Variants in TMPRSS15 observed in about 807,000 individuals in gnomAD.
The protein encoded by TMPRSS15 is transmembrane serine protease 15, also known as enteropeptidase.
TMPRSS15 carries 128 observed loss-of-function variants against 125.3 expected under a neutral mutation model. That is an observed-to-expected ratio of 1.02 (90% CI 0.89 to 1.18). The LOEUF (loss-of-function observed/expected upper bound fraction) is 1.18. Among genes scored for constraint, TMPRSS15 ranks in the 50% most tolerant of loss-of-function variants. The probability of loss-of-function intolerance (pLI) is 0.00; values close to 1 mark genes in which losing one functional copy is unlikely to be tolerated. For synonymous variants in TMPRSS15, 446 were observed against 423.2 expected, an observed-to-expected ratio of 1.05 and a Z score of -0.66; for missense variants, 1,283 against 1,212.7, an observed-to-expected ratio of 1.06 and a Z score of -0.86.
chr21:18,367,932 G>T (rs1333081609), intron 6 of TMPRSS15, among the ~76,000 whole-genome samples: 1 of 151,888 alleles, frequency 6.6e-6, no homozygotes, highest in African/African-American at 2.4e-5. Context: ...TATCACTATC[G>T]CAATGACATC....
intron 1 of TMPRSS15, among the ~76,000 whole-genome samples, chr21:18,435,870 G>A (rs2076226679): frequency 6.6e-6 from 1 of 152,124 alleles, no homozygotes; most frequent in African/African-American, 2.4e-5. Context: ...GAGAGTGTAT[G>A]TGTCGAGGAA....
chr21:18,305,294 T>C (rs186847431), intron 18 of TMPRSS15, among the ~76,000 whole-genome samples: 1 of 146,356 alleles, frequency 6.8e-6, no homozygotes, highest in East Asian at 2.2e-4. Context: ...GTTCACGCCA[T>C]TCTCCTGCCT....
intron 18 of TMPRSS15, among the ~76,000 whole-genome samples, chr21:18,310,368 T>C (rs2075087095): frequency 6.6e-6 from 1 of 151,870 alleles, no homozygotes; most frequent in Non-Finnish European, 1.5e-5. Context: ...AGTTTCAGGA[T>C]ACAAAATAAA....
chr21:18,392,275 TA>T (rs1344125046), intron 3 of TMPRSS15, among the ~76,000 whole-genome samples: 1 of 152,226 alleles, frequency 6.6e-6, no homozygotes, highest in African/African-American at 2.4e-5. Context: ...TCCAAACTTT[TA>T]TACTCTGTCA....
intron 23 of TMPRSS15, 40 bp downstream of exon 23, chr21:18,278,924 G>GTTTTTTTTTTTTTTTTTTTTT: frequency 2.3e-6 from 1 of 438,020 alleles, no homozygotes. Flanking sequence ...CACCAGTAAG[G>GTTTTTTTTTTTTTTTTTTTTT]TTTTTTTTTT....
At chr21:18,448,211 T>A (rs562387853) in intron 1 of TMPRSS15, among the ~76,000 whole-genome samples, 37 of 152,224 alleles carry the variant, frequency 2.4e-4, no homozygotes, top group African/African-American at 8.9e-4. Context: ...GTGATCTACA[T>A]ACATTTGGTT....
intron 13 of TMPRSS15, among the ~76,000 whole-genome samples, chr21:18,336,160 A>C (rs2075390802): frequency 2.0e-5 from 3 of 152,162 alleles, no homozygotes. Flanking sequence ...AGAGGTGTTT[A>C]CTGAGGGGTG....
chr21:18,356,117 TCAAG>T (rs2075621991), intron 8 of TMPRSS15, among the ~76,000 whole-genome samples: 1 of 151,888 alleles, frequency 6.6e-6, no homozygotes, highest in Non-Finnish European at 1.5e-5. Context: ...CATAGACTGA[TCAAG>T]CAGTCACTCT....
chr21:18,327,146 T>G (rs1007997766), intron 15 of TMPRSS15, among the ~76,000 whole-genome samples: 1 of 152,174 alleles, frequency 6.6e-6, no homozygotes, highest in Non-Finnish European at 1.5e-5. Context: ...TAAGAAAGTT[T>G]TATATGTTGG....
chr21:18,444,789 G>C (rs1016973926), intron 1 of TMPRSS15, among the ~76,000 whole-genome samples: 1 of 151,910 alleles, frequency 6.6e-6, no homozygotes, highest in Non-Finnish European at 1.5e-5. Flanking sequence ...GCAATGGAAT[G>C]CCAGAACATT....
At chr21:18,439,437 G>A (rs1457809802) in intron 1 of TMPRSS15, among the ~76,000 whole-genome samples, 2 of 152,074 alleles carry the variant, frequency 1.3e-5, no homozygotes, top group Non-Finnish European at 2.9e-5. Flanking sequence ...TCTTTTCTAA[G>A]TATATAAAGA....
intron 1 of TMPRSS15, among the ~76,000 whole-genome samples, chr21:18,483,625 A>T (rs1162258854): frequency 6.6e-6 from 1 of 151,950 alleles, no homozygotes; most frequent in East Asian, 1.9e-4. Flanking sequence ...TGCATTATTC[A>T]TAGCTGTATA....
At chr21:18,485,369 A>G (rs1348717978) in intron 1 of TMPRSS15, among the ~76,000 whole-genome samples, 1 of 152,002 alleles carries the variant, frequency 6.6e-6, no homozygotes, top group Non-Finnish European at 1.5e-5. Context: ...ACGAGGTGAT[A>G]GTAAATATTT....
intron 16 of TMPRSS15, among the ~76,000 whole-genome samples, chr21:18,319,533 A>G (rs2075212653): frequency 6.8e-6 from 1 of 147,626 alleles, no homozygotes; most frequent in Non-Finnish European, 1.5e-5. Context: ...GGTTCAAGTG[A>G]TTCTCCTGCC....
chr21:18,354,618 T>A (rs2075606219), intron 8 of TMPRSS15, among the ~76,000 whole-genome samples: 1 of 151,696 alleles, frequency 6.6e-6, no homozygotes, highest in Non-Finnish European at 1.5e-5. Flanking sequence ...GTTTTAATTT[T>A]TAAATGTGTA....
At chr21:18,338,513 G>T (rs2075415341) in intron 13 of TMPRSS15, among the ~76,000 whole-genome samples, 1 of 152,054 alleles carries the variant, frequency 6.6e-6, no homozygotes. Context: ...TAGGGTGTGG[G>T]TCACCTACAC....
intron 1 of TMPRSS15, 129 bp downstream of exon 1, chr21:18,403,349 A>ATAT: frequency 8.3e-7 from 1 of 1,201,888 alleles, no homozygotes. Context: ...TTAATTTGAA[A>ATAT]TATTAGATTG....
chr21:18,272,408 T>C (rs2074568665), intron 24 of TMPRSS15, among the ~76,000 whole-genome samples: 1 of 152,136 alleles, frequency 6.6e-6, no homozygotes, highest in Admixed American at 6.6e-5. Flanking sequence ...TCCACTGTCT[T>C]GGAGATATAT....
chr21:18,446,562 A>G (rs1046254619), intron 1 of TMPRSS15, among the ~76,000 whole-genome samples: 6 of 152,228 alleles, frequency 3.9e-5, no homozygotes, highest in African/African-American at 1.4e-4. Flanking sequence ...CTACAAAGCT[A>G]TAGTAACCAA....
Sources: allele counts gnomAD v4.1 joint callset (sites outside exome capture counted in the v4.1 genomes callset), GRCh38; gene constraint gnomAD v4.1.1; transcripts MANE v1.5; gene names NCBI Gene and HGNC (gene_info 2026-07-23, HGNC 2026-07-21).